CCDC181: variants seen among roughly 807,000 people sequenced by gnomAD.
The protein encoded by CCDC181 is coiled-coil domain-containing protein 181.
Under a neutral mutation model 58.7 loss-of-function variants are expected in CCDC181, and 35 were observed. That is an observed-to-expected ratio of 0.60 (90% CI 0.46 to 0.79). The LOEUF is 0.79. CCDC181 is among the 30% of genes least tolerant of loss of function. The pLI is 0.00. For synonymous variants in CCDC181, 183 were observed against 197.5 expected, an observed-to-expected ratio of 0.93 and a Z score of 0.62; for missense variants, 517 against 583.9, an observed-to-expected ratio of 0.89 and a Z score of 1.18.
At chr1:169,446,645 A>G (rs1264239005) in intron 2 of CCDC181, among the ~76,000 whole-genome samples, 2 of 152,238 alleles carry the variant, frequency 1.3e-5, no homozygotes, top group South Asian at 2.1e-4. Flanking sequence ...AATACAAATT[A>G]AATACCAATG....
At position 169,418,883 on chromosome 1, in the gene CCDC181, G is replaced by C. The variant is rs944129901; in HGVS notation, c.1215+130C>G. The stretch of plus-strand genomic sequence containing the variant: ...TAGTTATCTGCATGTTGCATCTTTT[G>C]CAAGGGTAGTTCTTGAACAACTTTT... On this transcript the variant is annotated intron_variant, in intron 4 of 5. Coordinates refer to ENST00000367806, the MANE Select transcript of CCDC181 (RefSeq NM_001300969.2). 97 of 652,138 alleles carry C rather than the reference G, an allele frequency of 1.5e-4. 1 individual carries two copies. Among genetic ancestry groups the C allele is most frequent in the Middle Eastern group, 4.1e-4 (1 of 2,412 alleles). The allele number at this position is 652,138 out of a possible 1,614,324, so 40.4% of individuals were successfully genotyped here.
upstream of CCDC181, among the ~76,000 whole-genome samples, chr1:169,429,257 C>T (rs115801881): frequency 0.014 from 2,194 of 152,214 alleles, 47 homozygotes; most frequent in African/African-American, 0.047. Flanking sequence ...AATTGTGCTG[C>T]GATAAACATG....
intron 2 of CCDC181, among the ~76,000 whole-genome samples, chr1:169,444,495 C>A (rs1216748952): frequency 2.0e-5 from 3 of 152,168 alleles, no homozygotes; most frequent in African/African-American, 7.2e-5. Context: ...TTGTTTCCTA[C>A]AATGACCTTA....
At chr1:169,432,220 G>A (rs950624813), upstream of CCDC181, among the ~76,000 whole-genome samples, 1 of 152,050 alleles carries the variant, frequency 6.6e-6, no homozygotes, top group Non-Finnish European at 1.5e-5. Context: ...TTACTGTTGG[G>A]ATTCAAAAGC....
chr1:169,436,770 A>G (rs915021597), intron 2 of CCDC181, among the ~76,000 whole-genome samples: 2 of 152,208 alleles, frequency 1.3e-5, no homozygotes, highest in Admixed American at 6.5e-5. Flanking sequence ...ATTTCATTCA[A>G]TTTAGCCTGT....
chr1:169,410,253 TA>T (rs1378981086), intron 4 of CCDC181, among the ~76,000 whole-genome samples: 4 of 147,534 alleles, frequency 2.7e-5, no homozygotes, highest in Non-Finnish European at 6.0e-5. Flanking sequence ...TAGTCTCTGA[TA>T]AAACATACTT....
At chr1:169,410,808 A>G (rs1655921902) in intron 4 of CCDC181, among the ~76,000 whole-genome samples, 1 of 152,212 alleles carries the variant, frequency 6.6e-6, no homozygotes, top group African/African-American at 2.4e-5. Flanking sequence ...AAATAACGAA[A>G]TTAAGGGAGA....
intron 2 of CCDC181, among the ~76,000 whole-genome samples, chr1:169,436,176 A>C (rs950351558): frequency 6.6e-6 from 1 of 152,208 alleles, no homozygotes; most frequent in African/African-American, 2.4e-5. Flanking sequence ...ATAATTTCAA[A>C]AAAGAAAAAC....
Position 169,421,813 on chromosome 1 carries a change from A to T in CCDC181, c.618T>A (p.Asn206Lys). 1.2e-6 allele frequency: 2 copies of T among 1,614,112 alleles called. No individual in the cohort carries two copies. Among genetic ancestry groups the T allele is most frequent in the Non-Finnish European group, 1.7e-6 (2 of 1,180,010 alleles). ...GQEDVLLSLT[N>K]GSCEENKDRT... ...TATCCTTGTTTTCTTCACAGCTTCC[A>T]TTAGTAAGTGACAGGAGCACATCTT... Residue 206 changes from asparagine (N) to lysine (K), a missense_variant, in exon 3 of 6, where the codon AAT (asparagine) becomes AAA (lysine). By Grantham distance (94) the Asn-to-Lys change is moderately conservative (BLOSUM62 0). Coordinates refer to ENST00000367806, the MANE Select transcript of CCDC181 (RefSeq NM_001300969.2).
At chr1:169,436,379 G>A (rs1457233653) in intron 2 of CCDC181, among the ~76,000 whole-genome samples, 2 of 152,110 alleles carry the variant, frequency 1.3e-5, no homozygotes, top group African/African-American at 4.8e-5. Flanking sequence ...CATGCACAGT[G>A]AGGAATAGAT....
upstream of CCDC181, among the ~76,000 whole-genome samples, chr1:169,432,321 A>C (rs555599831): frequency 4.6e-5 from 7 of 152,260 alleles, no homozygotes; most frequent in East Asian, 1.4e-3. Flanking sequence ...TTAAAAAGTT[A>C]AAAGTGAAGA....
intron 4 of CCDC181, chr1:169,418,719 T>C: frequency 2.5e-6 from 1 of 401,204 alleles, no homozygotes; most frequent in Non-Finnish European, 4.4e-6. Context: ...TGGGGGGGTG[T>C]GTGTGTATCT....
chr1:169,450,475 A>G (rs771286842), intron 2 of CCDC181, among the ~76,000 whole-genome samples: 9 of 152,284 alleles, frequency 5.9e-5, no homozygotes, highest in South Asian at 4.1e-4. Flanking sequence ...ACGTTATGGT[A>G]TGTATCAGTA....
intron 2 of CCDC181, among the ~76,000 whole-genome samples, chr1:169,436,370 A>G (rs893521267): frequency 6.6e-6 from 1 of 152,158 alleles, no homozygotes; most frequent in South Asian, 2.1e-4. Flanking sequence ...AGAGGCTACC[A>G]TGCACAGTGA....
intron 3 of CCDC181, among the ~76,000 whole-genome samples, chr1:169,419,974 A>G (rs1469787105): frequency 6.6e-6 from 1 of 152,240 alleles, no homozygotes; most frequent in Non-Finnish European, 1.5e-5. Flanking sequence ...CCATGCCTTG[A>G]GCCAAGTTAG....
chr1:169,450,829 C>G (rs1226704208), intron 2 of CCDC181, among the ~76,000 whole-genome samples: 2 of 152,126 alleles, frequency 1.3e-5, no homozygotes, highest in African/African-American at 4.8e-5. Context: ...TTGTTACAAC[C>G]ATTCTAGTGA....
intron 1 of CCDC181, among the ~76,000 whole-genome samples, chr1:169,426,074 G>T (rs1382595267): frequency 6.6e-6 from 1 of 152,074 alleles, no homozygotes; most frequent in South Asian, 2.1e-4. Context: ...AAAAGCCATA[G>T]TTAAGGTAAC....
intron 2 of CCDC181, among the ~76,000 whole-genome samples, chr1:169,454,151 CCTT>C (rs757341519): frequency 7.2e-4 from 109 of 152,076 alleles, no homozygotes; most frequent in Non-Finnish European, 1.2e-3. Flanking sequence ...GGCACAGCCT[CCTT>C]CTTTTAGATG....
intron 4 of CCDC181, among the ~76,000 whole-genome samples, chr1:169,401,790 G>C (rs1188478800): frequency 6.6e-6 from 1 of 152,198 alleles, no homozygotes; most frequent in African/African-American, 2.4e-5. Flanking sequence ...AACAAAGCTG[G>C]ATGGAGAATG....
Sources: gnomAD v4.1 joint callset for allele counts (sites outside exome capture counted in the v4.1 genomes callset) on GRCh38, gnomAD v4.1.1 for gene constraint, MANE v1.5 for transcripts, NCBI Gene and HGNC (gene_info 2026-07-23, HGNC 2026-07-21) for gene names.